Variants in XPO6 observed in about 807,000 individuals in gnomAD.
The protein encoded by XPO6 is exportin 6.
Under a neutral mutation model 130.0 loss-of-function variants are expected in XPO6, and 3 were observed. The ratio of observed to expected loss-of-function variants is 0.02; its 90% CI spans 0.01 to 0.06. The LOEUF (loss-of-function observed/expected upper bound fraction) is 0.06. Ranked by LOEUF, XPO6 falls within the 10% of genes least tolerant of loss-of-function variation. The pLI is 1.00. For synonymous variants in XPO6, 524 were observed against 548.9 expected (o/e 0.95, Z 0.63); for missense variants, 970 against 1,393.0 (o/e 0.70, Z 4.83).
At chr16:28,205,323 C>A (rs746112868) in intron 1 of XPO6, among the ~76,000 whole-genome samples, 13 of 152,134 alleles carry the variant, frequency 8.5e-5, no homozygotes, top group Admixed American at 2.6e-4. Flanking sequence ...CTATCATTTT[C>A]TATTATCTTT....
At chr16:28,204,745 T>G (rs550773627) in intron 1 of XPO6, among the ~76,000 whole-genome samples, 1 of 152,256 alleles carries the variant, frequency 6.6e-6, no homozygotes, top group African/African-American at 2.4e-5. Flanking sequence ...GAACACACCT[T>G]AGTGTCCCAG....
intron 9 of XPO6, among the ~76,000 whole-genome samples, chr16:28,143,237 T>C (rs2042926349): frequency 6.6e-6 from 1 of 152,242 alleles, no homozygotes; most frequent in South Asian, 2.1e-4. Flanking sequence ...TAAAGGCCTT[T>C]AGACTGTCCA....
At chr16:28,104,235 T>G (rs551747198) in intron 21 of XPO6, among the ~76,000 whole-genome samples, 2 of 152,270 alleles carry the variant, frequency 1.3e-5, no homozygotes, top group African/African-American at 4.8e-5. Flanking sequence ...GACTCTGGCA[T>G]AGGCAGGCTC....
intron 9 of XPO6, among the ~76,000 whole-genome samples, chr16:28,143,830 T>A (rs1032045135): frequency 6.6e-6 from 1 of 152,100 alleles, no homozygotes; most frequent in Non-Finnish European, 1.5e-5. Context: ...AGAGACAGGG[T>A]TTCACCTTCT....
rs1188869816 is a variant in XPO6, at chr16:28,132,611, T to C, written c.1537-208A>G. 2.1e-5 allele frequency among the ~76,000 whole-genome samples: 3 copies of C among 143,002 alleles called. No homozygotes were observed. Among genetic ancestry groups the C allele is most frequent in the Non-Finnish European group, 3.0e-5 (2 of 65,996 alleles). The allele number at this position is 143,002 out of a possible 152,430, so 93.8% of individuals were successfully genotyped here. ...TTCTATAATTGAAACCGCCAATTAA[T>C]ACACAGAATAAGAAAGAAAACGTAT... On this transcript the variant is annotated intron_variant, in intron 11 of 23. Coordinates refer to ENST00000304658, the MANE Select transcript of XPO6 (RefSeq NM_015171.4). The surrounding 1 kb of genome is among the most constrained non-coding windows in gnomAD (Gnocchi z 4.0).
At chr16:28,163,676 T>G (rs7499965) in intron 6 of XPO6, among the ~76,000 whole-genome samples, 37 of 152,186 alleles carry the variant, frequency 2.4e-4, no homozygotes, top group African/African-American at 8.9e-4. Flanking sequence ...ACATCAGCGG[T>G]CAGAGAAGGT....
intron 1 of XPO6, among the ~76,000 whole-genome samples, chr16:28,206,043 A>AAG (rs2044023650): frequency 6.6e-6 from 1 of 151,156 alleles, no homozygotes; most frequent in Non-Finnish European, 1.5e-5. Context: ...CTCAAAAAAA[A>AAG]AAAAAAAAAA....
intron 6 of XPO6, among the ~76,000 whole-genome samples, chr16:28,156,803 G>C (rs1182708863): frequency 6.6e-6 from 1 of 152,156 alleles, no homozygotes; most frequent in Admixed American, 6.5e-5. Context: ...GTTTTAGTGA[G>C]ATTTGTACAA....
chr16:28,198,136 G>A lies in XPO6; in HGVS notation c.3+13230C>T, dbSNP rs556784641. ...AACTGCTTAAAAATCCATGCAATTC[G>A]GTATTATAAAGCCACTGCAAATATT... On this transcript the variant is annotated intron_variant, in intron 1 of 23. Coordinates refer to ENST00000304658, the MANE Select transcript of XPO6 (RefSeq NM_015171.4). Among the ~76,000 whole-genome samples, 44 of 151,908 alleles carry A rather than the reference G, an allele frequency of 2.9e-4. No homozygotes were observed. The East Asian group carries it at 5.4e-3, about 19-fold the overall frequency.
intron 2 of XPO6, among the ~76,000 whole-genome samples, chr16:28,178,297 A>G (rs2043563153): frequency 6.6e-6 from 1 of 152,162 alleles, no homozygotes; most frequent in South Asian, 2.1e-4. Flanking sequence ...GGCCAGGCAC[A>G]GTGGCTCACA....
At chr16:28,199,505 G>A (rs2043921966) in intron 1 of XPO6, among the ~76,000 whole-genome samples, 1 of 152,052 alleles carries the variant, frequency 6.6e-6, no homozygotes, top group Admixed American at 6.5e-5. Context: ...TCAAACTCCT[G>A]ACCTCAGGTG....
chr16:28,153,080 G>A (rs1258442907), intron 7 of XPO6: 1 of 1,051,452 alleles, frequency 9.5e-7, no homozygotes, highest in East Asian at 9.6e-5. Context: ...TTAAAGTGAA[G>A]GGAAATGATA....
At chr16:28,192,137 C>T (rs1215504286) in intron 1 of XPO6, among the ~76,000 whole-genome samples, 2 of 151,828 alleles carry the variant, frequency 1.3e-5, no homozygotes, top group Non-Finnish European at 2.9e-5. Context: ...GTGGCGGACA[C>T]CTGTAATCCC....
chr16:28,098,550 A>C lies in XPO6; in HGVS notation c.3366T>G (p.Thr1122=), dbSNP rs776224863. The change falls in exon 24 of 24, where the codon ACT becomes ACG. Residue 1122 remains threonine, a synonymous_variant. Transcript: ENST00000304658. ...GGCAGTAGCAGGCCTAGAGCTTCAC[A>C]GTGCCAGGGGGCAGGCTGTCGTTGC... The part of the protein sequence containing the change: ...RLCNDSLPPG[T]VKL 6.2e-7 allele frequency: 1 copy of C among 1,611,524 alleles called. No individual in the cohort carries two copies. Among genetic ancestry groups the C allele is most frequent in the East Asian group, 2.2e-5 (1 of 44,724 alleles).
At chr16:28,173,460 A>G (rs2043487398) in intron 4 of XPO6, among the ~76,000 whole-genome samples, 1 of 152,238 alleles carries the variant, frequency 6.6e-6, no homozygotes, top group Non-Finnish European at 1.5e-5. Flanking sequence ...AGGGGACTTT[A>G]GGCTAGGGGC....
rs375825385 is a variant in XPO6, at chr16:28,102,897, G to A, written c.2947-952C>T. On this transcript the variant is annotated intron_variant, in intron 21 of 23. Coordinates refer to ENST00000304658, the MANE Select transcript of XPO6 (RefSeq NM_015171.4). ...TGCAGGACCCCCCTACAAAACAAGT[G>A]GTGACTGCTTTGTCATTCTGTCCCT... Among the ~76,000 whole-genome samples, 18 of 152,240 alleles carry A rather than the reference G, an allele frequency of 1.2e-4. No homozygotes were observed. The East Asian group carries it at 2.5e-3, about 21-fold the overall frequency.
chr16:28,141,336 T>C (rs1337291115), intron 9 of XPO6, among the ~76,000 whole-genome samples: 2 of 152,066 alleles, frequency 1.3e-5, no homozygotes, highest in East Asian at 3.9e-4. Context: ...AAAAATAAGT[T>C]TCTACACAGG....
At chr16:28,120,608 A>C (rs1057296510) in intron 14 of XPO6, among the ~76,000 whole-genome samples, 2 of 152,322 alleles carry the variant, frequency 1.3e-5, no homozygotes, top group Admixed American at 6.5e-5. Context: ...AAATGTGTAC[A>C]AGTTGTTGTA....
In XPO6 at chr16:28,117,467, A is replaced by G; in HGVS notation, c.1860-5T>C. 1 of 1,610,660 alleles carries G rather than the reference A, an allele frequency of 6.2e-7. No individual in the cohort carries two copies. Among genetic ancestry groups the G allele is most frequent in the African/African-American group, 1.3e-5 (1 of 74,986 alleles). On this transcript the variant is annotated splice_region_variant and splice_polypyrimidine_tract_variant and intron_variant, in intron 14 of 23. Coordinates refer to ENST00000304658, the MANE Select transcript of XPO6 (RefSeq NM_015171.4). ...GCAGCCAGGGACTGAGCATGCCTGC[A>G]GAAAGAAAAGAAGATGTGATTTTAA...
Sources: allele counts gnomAD v4.1 joint callset (sites outside exome capture counted in the v4.1 genomes callset), GRCh38; gene constraint gnomAD v4.1.1; non-coding constraint Gnocchi (gnomAD v3.1); transcripts MANE v1.5; gene names NCBI Gene and HGNC (gene_info 2026-07-23, HGNC 2026-07-21).